Variants in SCCPDH observed in about 807,000 individuals in gnomAD.
SCCPDH encodes saccharopine dehydrogenase-like oxidoreductase.
A neutral mutation model predicts 51.5 loss-of-function variants in SCCPDH; 34 were observed. That is an observed-to-expected ratio of 0.66 (90% confidence interval 0.50 to 0.88). The LOEUF is 0.88. Among genes scored for constraint, SCCPDH ranks in the 40% least tolerant of loss-of-function variants. SCCPDH has a pLI of 0.00. For synonymous variants in SCCPDH, 187 were observed against 191.3 expected, an observed-to-expected ratio of 0.98 and a Z score of 0.19; for missense variants, 464 against 527.1, an observed-to-expected ratio of 0.88 and a Z score of 1.17.
chr1:246,766,118 A>T lies in SCCPDH; in HGVS notation c.1163A>T (p.Asp388Val). 1 of 1,612,698 alleles carries T rather than the reference A, an allele frequency of 6.2e-7. No homozygotes were observed. Among genetic ancestry groups the T allele is most frequent in the East Asian group, 2.2e-5 (1 of 44,842 alleles). The change falls in exon 11 of 12, where the codon GAT becomes GTT. Residue 388 changes from aspartate (D) to valine (V), a missense_variant. Coordinates refer to ENST00000366510, the MANE Select transcript of SCCPDH (RefSeq NM_016002.3). ...MVQAAMTLLSDASHLPKAGGV... is the reference protein window; with the variant it reads ...MVQAAMTLLSVASHLPKAGGV... Reference sequence around the variant, plus strand: ...CAGGCAGCCATGACTCTTCTAAGTGATGCTTCTCATCTGCCTAAGGCGTAA... The same window carrying T: ...CAGGCAGCCATGACTCTTCTAAGTGTTGCTTCTCATCTGCCTAAGGCGTAA...
intron 5 of SCCPDH, among the ~76,000 whole-genome samples, chr1:246,751,715 A>G (rs1225386053): frequency 6.6e-6 from 1 of 151,742 alleles, no homozygotes; most frequent in Non-Finnish European, 1.5e-5. Context: ...TCTTTAAACA[A>G]CCAGTTAATT....
At chr1:246,760,958 A>G (rs1309129088) in intron 9 of SCCPDH, among the ~76,000 whole-genome samples, 1 of 151,440 alleles carries the variant, frequency 6.6e-6, no homozygotes, top group Non-Finnish European at 1.5e-5. Context: ...AATTATCCCA[A>G]CTCCTACCTC....
chr1:246,764,169 T>A, intron 9 of SCCPDH, 77 bp from the exon 10 acceptor site: 1 of 830,872 alleles, frequency 1.2e-6, no homozygotes. Context: ...TCACTTGAAA[T>A]AGAATAGTCG....
intron 9 of SCCPDH, among the ~76,000 whole-genome samples, chr1:246,761,147 C>T (rs1669006510): frequency 6.6e-6 from 1 of 152,150 alleles, no homozygotes; most frequent in African/African-American, 2.4e-5. Context: ...CTTCTTTCCT[C>T]CTCTCTGGAT....
intron 5 of SCCPDH, among the ~76,000 whole-genome samples, chr1:246,757,675 T>C (rs976100235): frequency 6.6e-6 from 1 of 152,204 alleles, no homozygotes; most frequent in African/African-American, 2.4e-5. Context: ...ACAATTATTT[T>C]ACTAAGACTT....
At chr1:246,737,009 T>C (rs554303010) in intron 3 of SCCPDH, among the ~76,000 whole-genome samples, 51 of 152,270 alleles carry the variant, frequency 3.3e-4, no homozygotes, top group African/African-American at 1.1e-3. Context: ...AGGTCTTCAA[T>C]TGAGGTTTGC....
At chr1:246,754,093 T>TA (rs1668894849) in intron 5 of SCCPDH, among the ~76,000 whole-genome samples, 2 of 152,100 alleles carry the variant, frequency 1.3e-5, no homozygotes, top group African/African-American at 4.8e-5. Context: ...TCCTATCCTT[T>TA]AGCCCCACCT....
chr1:246,725,154 GTCTTCC>G (rs1271163576), intron 1 of SCCPDH, among the ~76,000 whole-genome samples: 44 of 152,314 alleles, frequency 2.9e-4, no homozygotes, highest in Admixed American at 2.8e-3. Context: ...TACTCCAGCA[GTCTTCC>G]TCTTCAGAGA....
rs150465741 is a variant in SCCPDH, at chr1:246,764,256, C to T, written c.1001C>T (p.Ala334Val). 6.2e-7 allele frequency: 1 copy of T among 1,611,586 alleles called. No individual in the cohort carries two copies. The highest frequency in any genetic ancestry group is 8.5e-7 in the Non-Finnish European group (1 of 1,177,980). Residue 334 changes from alanine to valine, a missense_variant, in exon 10 of 12, where the codon GCC (alanine) becomes GTC (valine). Transcript: ENST00000366510. ...CCTTCTCCTTCACAGATTGATGCTG[C>T]CTCATTCACGCTGACATTCTTTGGT... is the stretch of plus-strand genomic sequence containing the variant. ...QGPTQKQIDAASFTLTFFGQG... is the reference protein window; with the variant it reads ...QGPTQKQIDAVSFTLTFFGQG...
Position 246,767,385 on chromosome 1 carries a change from CTGAG to C in SCCPDH, c.*88_*91del. 3 of 713,976 alleles carry C rather than the reference CTGAG, an allele frequency of 4.2e-6. No individual in the cohort carries two copies. Among genetic ancestry groups the C allele is most frequent in the South Asian group, 3.1e-5 (1 of 32,588 alleles). The allele number at this position is 713,976 out of a possible 1,614,324, so 44.2% of individuals were successfully genotyped here. On this transcript the variant is annotated 3_prime_UTR_variant, in exon 12 of 12. Coordinates refer to ENST00000366510, the MANE Select transcript of SCCPDH (RefSeq NM_016002.3). ...ATTTGAAATTCTTCTGTAAGCCTGTCTGAGTGTATGTGGAAACGATTGTCAAATC... is the reference window on the plus strand; with the variant it reads ...ATTTGAAATTCTTCTGTAAGCCTGTCTGTATGTGGAAACGATTGTCAAATC...
chr1:246,729,510 C>G (rs1668458213), intron 2 of SCCPDH, among the ~76,000 whole-genome samples: 1 of 152,206 alleles, frequency 6.6e-6, no homozygotes, highest in Admixed American at 6.5e-5. Context: ...AAATATGACT[C>G]TCTTCTGCCC....
chr1:246,751,827 G>A (rs1464810181), intron 5 of SCCPDH, among the ~76,000 whole-genome samples: 4 of 146,992 alleles, frequency 2.7e-5, no homozygotes, highest in Non-Finnish European at 4.4e-5. Context: ...AGGCTGGAGT[G>A]CAGTGGCGCA....
intron 3 of SCCPDH, among the ~76,000 whole-genome samples, chr1:246,739,329 A>G (rs968393523): frequency 6.6e-6 from 1 of 152,192 alleles, no homozygotes; most frequent in Non-Finnish European, 1.5e-5. Flanking sequence ...TCCAAAACTC[A>G]TAATAATAAT....
At chr1:246,759,870 G>A (rs1182411096) in intron 7 of SCCPDH, 87 bp from the exon 8 acceptor site, 1 of 1,369,942 alleles carries the variant, frequency 7.3e-7, no homozygotes, top group African/African-American at 1.5e-5. Flanking sequence ...CATTTGTGAT[G>A]GAAGAGAAAG....
At chr1:246,749,112 G>T (rs1447321538) in intron 5 of SCCPDH, among the ~76,000 whole-genome samples, 2 of 152,196 alleles carry the variant, frequency 1.3e-5, no homozygotes, top group Non-Finnish European at 2.9e-5. Flanking sequence ...AGTCTTGCAT[G>T]ACTCATCGCC....
chr1:246,759,911 A>G (rs532235699), intron 7 of SCCPDH, 46 bp from the exon 8 acceptor site: 2 of 1,580,368 alleles, frequency 1.3e-6, no homozygotes, highest in South Asian at 1.2e-5. Flanking sequence ...TACTTGGTCC[A>G]AAATGTAGGG....
At position 246,736,959 on chromosome 1, in the gene SCCPDH, A is replaced by G. The variant is rs116135776; in HGVS notation, c.384+904A>G. 6.6e-3 allele frequency among the ~76,000 whole-genome samples: 959 copies of G among 144,950 alleles called. 7 individuals are homozygous for G. The highest frequency in any genetic ancestry group is 0.014 in the Middle Eastern group (4 of 288). ...AAGTAACTCACTCAGTAATGCACCTAGTAATGCACCTAGTAATGCACCTAG... is the reference window on the plus strand; with the variant it reads ...AAGTAACTCACTCAGTAATGCACCTGGTAATGCACCTAGTAATGCACCTAG... On this transcript the variant is annotated intron_variant, in intron 3 of 11. Coordinates refer to ENST00000366510, the MANE Select transcript of SCCPDH (RefSeq NM_016002.3).
chr1:246,730,537 T>C (rs1668477211), intron 2 of SCCPDH, among the ~76,000 whole-genome samples: 1 of 152,216 alleles, frequency 6.6e-6, no homozygotes, highest in Non-Finnish European at 1.5e-5. Flanking sequence ...ATGGAAACTT[T>C]CCCACAACCC....
chr1:246,724,447 C>A lies in SCCPDH; in HGVS notation c.25C>A (p.His9Asn). 1 of 1,586,548 alleles carries A rather than the reference C, an allele frequency of 6.3e-7. No homozygotes were observed. The highest frequency in any genetic ancestry group is 8.6e-7 in the Non-Finnish European group (1 of 1,169,338). Reference sequence around the variant, plus strand: ...CATGGCGACCGAGCAGAGGCCTTTCCACCTGGTGGTGTTCGGCGCGTCTGG... The same window carrying A: ...CATGGCGACCGAGCAGAGGCCTTTCAACCTGGTGGTGTTCGGCGCGTCTGG... MATEQRPFHLVVFGASGFT... is the reference protein window; with the variant it reads MATEQRPFNLVVFGASGFT... The change falls in exon 1 of 12, where the codon CAC (histidine) becomes AAC (asparagine). Residue 9 changes from histidine to asparagine, a missense_variant. Coordinates refer to ENST00000366510, the MANE Select transcript of SCCPDH (RefSeq NM_016002.3).
Sources: allele counts gnomAD v4.1 joint callset (sites outside exome capture counted in the v4.1 genomes callset), GRCh38; gene constraint gnomAD v4.1.1; transcripts MANE v1.5; gene names NCBI Gene and HGNC (gene_info 2026-07-23, HGNC 2026-07-21).